FSTL4: variants seen among roughly 807,000 people sequenced by gnomAD.
The protein encoded by FSTL4 is follistatin like 4.
Under a neutral mutation model 78.2 loss-of-function variants are expected in FSTL4, and 28 were observed. The observed-to-expected ratio is 0.36, with a 90% CI of 0.27 to 0.49. The LOEUF (loss-of-function observed/expected upper bound fraction) is 0.49, where lower values mean the gene tolerates loss of function less well. FSTL4 is among the 20% of genes least tolerant of loss of function. The probability of loss-of-function intolerance (pLI) is 0.98; values close to 1 mark genes in which losing one functional copy is unlikely to be tolerated. For missense variants in FSTL4, 922 were observed against 1,084.9 expected, an observed-to-expected ratio of 0.85 and a Z score of 2.11; for synonymous variants, 422 against 440.5, an observed-to-expected ratio of 0.96 and a Z score of 0.53.
rs748441796 is a variant in FSTL4, at chr5:133,220,911, C to T, written c.1340-45G>A. 12 of 1,155,884 alleles carry T rather than the reference C, an allele frequency of 1.0e-5. No individual in the cohort carries two copies. In the Admixed American group the frequency reaches 1.7e-4, roughly 16 times the overall value. 71.6% of individuals were successfully genotyped at this position (1,155,884 alleles called of 1,614,324 possible). On this transcript the variant is annotated intron_variant, in intron 11 of 15. Transcript: ENST00000265342. ...TGGGCATGCCCTCCAAGCAGTCGGCCCCTGGGCAGGGTCACACGCAGCATT... is the reference window on the plus strand; with the variant it reads ...TGGGCATGCCCTCCAAGCAGTCGGCTCCTGGGCAGGGTCACACGCAGCATT...
At chr5:133,257,554 G>A (rs548899721) in intron 6 of FSTL4, among the ~76,000 whole-genome samples, 1 of 152,340 alleles carries the variant, frequency 6.6e-6, no homozygotes, top group South Asian at 2.1e-4. Flanking sequence ...ACTGCTGTGT[G>A]CAGACGAACA....
intron 6 of FSTL4, among the ~76,000 whole-genome samples, chr5:133,297,887 G>A (rs1753439631): frequency 6.6e-6 from 1 of 152,190 alleles, no homozygotes; most frequent in Admixed American, 6.5e-5. Flanking sequence ...GCAGCGTCGG[G>A]ACCAACAGTC....
intron 3 of FSTL4, among the ~76,000 whole-genome samples, chr5:133,538,325 A>G: frequency 6.6e-6 from 1 of 152,082 alleles, no homozygotes; most frequent in Non-Finnish European, 1.5e-5. Context: ...CAAGTTATAA[A>G]TTTTTCACAG....
At chr5:133,304,241 A>G (rs375000764) in intron 6 of FSTL4, among the ~76,000 whole-genome samples, 1 of 152,208 alleles carries the variant, frequency 6.6e-6, no homozygotes, top group African/African-American at 2.4e-5. Flanking sequence ...CTCATTTTAT[A>G]TCTTTGTAAT....
At chr5:133,569,099 A>AT (rs1161554769) in intron 2 of FSTL4, among the ~76,000 whole-genome samples, 1 of 152,088 alleles carries the variant, frequency 6.6e-6, no homozygotes, top group African/African-American at 2.4e-5. Context: ...ATTTAAAAAT[A>AT]TTTTTTATAT....
chr5:133,223,449 A>G (rs1301291299), intron 11 of FSTL4, among the ~76,000 whole-genome samples: 3 of 152,142 alleles, frequency 2.0e-5, no homozygotes, highest in Non-Finnish European at 4.4e-5. Flanking sequence ...ATCACATGGT[A>G]CCTCCTGCTG....
At chr5:133,405,065 T>C (rs926859542) in intron 3 of FSTL4, among the ~76,000 whole-genome samples, 21 of 152,184 alleles carry the variant, frequency 1.4e-4, no homozygotes, top group African/African-American at 5.1e-4. Flanking sequence ...AGCTTGACTA[T>C]TGATGACAGC....
intron 2 of FSTL4, among the ~76,000 whole-genome samples, chr5:133,579,534 G>T (rs1760357291): frequency 6.6e-6 from 1 of 152,176 alleles, no homozygotes; most frequent in African/African-American, 2.4e-5. Context: ...AGTCTTGTAG[G>T]TGTCTGGGGG....
chr5:133,599,855 C>T (rs1310444281), intron 2 of FSTL4, among the ~76,000 whole-genome samples: 2 of 151,942 alleles, frequency 1.3e-5, no homozygotes, highest in Admixed American at 6.5e-5. Flanking sequence ...AGTGGGGGGG[C>T]GGCCACTGCA....
At chr5:133,308,927 C>T (rs1753714557) in intron 6 of FSTL4, among the ~76,000 whole-genome samples, 1 of 152,184 alleles carries the variant, frequency 6.6e-6, no homozygotes, top group African/African-American at 2.4e-5. Context: ...GCATCCAACA[C>T]ATTCGTGGGC....
At chr5:133,282,948 A>G (rs1395011274) in intron 6 of FSTL4, among the ~76,000 whole-genome samples, 3 of 152,198 alleles carry the variant, frequency 2.0e-5, no homozygotes, top group Admixed American at 6.5e-5. Context: ...CTTTCCAAAG[A>G]GATAGCCATT....
At chr5:133,645,931 C>T in the FSTL4 span, among the ~76,000 whole-genome samples, 1 of 152,156 alleles carries the variant, frequency 6.6e-6, no homozygotes, top group Non-Finnish European at 1.5e-5. Context: ...GCAGACAGAA[C>T]TGTGCAAGAA....
the FSTL4 span, among the ~76,000 whole-genome samples, chr5:133,696,415 C>T: frequency 3.3e-5 from 5 of 152,210 alleles, no homozygotes; most frequent in African/African-American, 9.6e-5. Context: ...CAGGCCTGTG[C>T]CCTGTGCCTC....
chr5:133,764,034 C>G, the FSTL4 span, among the ~76,000 whole-genome samples: 1 of 152,240 alleles, frequency 6.6e-6, no homozygotes, highest in Admixed American at 6.5e-5. Context: ...GGCCAGAGCC[C>G]AAGCCCTCCC....
At chr5:133,289,832 C>T (rs1354416885) in intron 6 of FSTL4, among the ~76,000 whole-genome samples, 1 of 152,258 alleles carries the variant, frequency 6.6e-6, no homozygotes, top group Non-Finnish European at 1.5e-5. Context: ...CTGGCTCAGC[C>T]AGGCACAGAG....
the FSTL4 span, among the ~76,000 whole-genome samples, chr5:133,831,883 G>A: frequency 6.6e-6 from 1 of 152,152 alleles, no homozygotes; most frequent in African/African-American, 2.4e-5. Flanking sequence ...TGGCTCTCTC[G>A]GGTCCCTGTG....
the FSTL4 span, among the ~76,000 whole-genome samples, chr5:133,776,758 G>A: frequency 2.6e-5 from 4 of 152,078 alleles, no homozygotes; most frequent in East Asian, 5.8e-4. Flanking sequence ...TGGTGAAAAA[G>A]GTTTTCCATA....
the FSTL4 span, among the ~76,000 whole-genome samples, chr5:133,770,698 G>A: frequency 6.6e-6 from 1 of 152,208 alleles, no homozygotes; most frequent in East Asian, 1.9e-4. Context: ...TGTTTCTTCT[G>A]CTGTGCAGAA....
At chr5:133,259,047 T>C (rs1561646937) in intron 6 of FSTL4, among the ~76,000 whole-genome samples, 1 of 150,294 alleles carries the variant, frequency 6.7e-6, no homozygotes, top group African/African-American at 2.5e-5. Flanking sequence ...GGGCTGGGGG[T>C]GGGGGGTGTC....
Sources: allele counts gnomAD v4.1 joint callset (sites outside exome capture counted in the v4.1 genomes callset), GRCh38; gene constraint gnomAD v4.1.1; transcripts MANE v1.5; gene names NCBI Gene and HGNC (gene_info 2026-07-23, HGNC 2026-07-21).